Variants in PGM3 observed in about 807,000 individuals in gnomAD.
The protein encoded by PGM3 is phosphoglucomutase 3, also known as phosphoacetylglucosamine mutase.
In PGM3, 40 loss-of-function variants were observed where a neutral mutation model predicts 66.2. The ratio of observed to expected loss-of-function variants is 0.60; its 90% CI spans 0.47 to 0.79. PGM3 has a LOEUF of 0.79. PGM3 is among the 30% of genes least tolerant of loss of function. The pLI, the probability that PGM3 is intolerant of heterozygous loss-of-function variation, is 0.00. For missense variants in PGM3, 537 were observed against 643.4 expected (o/e 0.83, Z 1.79); for synonymous variants, 191 against 224.2 (o/e 0.85, Z 1.32).
chr6:83,183,481 A>T (rs1175166650), intron 4 of PGM3, among the ~76,000 whole-genome samples: 41 of 152,224 alleles, frequency 2.7e-4, no homozygotes, highest in Non-Finnish European at 1.5e-4. Context: ...GCCCATGCTG[A>T]TCTAAGATGC....
chr6:83,169,138 CA>C lies in PGM3; in HGVS notation c.*95del. 1 of 1,546,056 alleles carries C rather than the reference CA, an allele frequency of 6.5e-7. No individual in the cohort carries two copies. The highest frequency in any genetic ancestry group is 2.4e-5 in the East Asian group (1 of 41,858). ...ACAATCCAGTAGGCTGCATTGTAAA[CA>C]TTATGATTATAAATCTCTTAGTACT... On this transcript the variant is annotated 3_prime_UTR_variant, in exon 13 of 13. Coordinates refer to ENST00000513973, the MANE Select transcript of PGM3 (RefSeq NM_015599.3).
At chr6:83,153,750 A>T in the PGM3 span, 1 of 1,171,512 alleles carries the variant, frequency 8.5e-7, no homozygotes, top group Non-Finnish European at 1.2e-6. Context: ...TTGTTTAAAA[A>T]AATTCATATA....
downstream of PGM3, among the ~76,000 whole-genome samples, chr6:83,163,975 A>G (rs1375622171): frequency 1.3e-5 from 2 of 151,746 alleles, no homozygotes; most frequent in African/African-American, 2.4e-5. Flanking sequence ...CCTACCAGCA[A>G]TGAAACTGGT....
the PGM3 span, chr6:83,152,178 C>T: frequency 6.6e-6 from 5 of 754,496 alleles, no homozygotes; most frequent in East Asian, 3.0e-5. Flanking sequence ...TATATATATA[C>T]ATATACATAT....
chr6:83,183,224 TG>T (rs879421046), intron 4 of PGM3, among the ~76,000 whole-genome samples: 2 of 152,228 alleles, frequency 1.3e-5, no homozygotes, highest in Non-Finnish European at 2.9e-5. Context: ...AATTGAGTTC[TG>T]TTTCCAGTAA....
chr6:83,157,654 T>C (rs1392172710), downstream of PGM3, among the ~76,000 whole-genome samples: 1 of 152,244 alleles, frequency 6.6e-6, no homozygotes, highest in Non-Finnish European at 1.5e-5. Flanking sequence ...TTACAATAGC[T>C]GTAGCAATAC....
chr6:83,188,483 C>T, intron 3 of PGM3, 131 bp downstream of exon 3: 1 of 683,724 alleles, frequency 1.5e-6, no homozygotes, highest in South Asian at 1.9e-5. Context: ...CTAGAAAGGC[C>T]AGGCAGGTAG....
rs1786322208 is a variant in PGM3, at chr6:83,168,190, G to C, written c.*1044C>G. On this transcript the variant is annotated 3_prime_UTR_variant, in exon 13 of 13. Coordinates refer to ENST00000513973, the MANE Select transcript of PGM3 (RefSeq NM_015599.3). The stretch of plus-strand genomic sequence containing the variant: ...TGAGCACCATTGCTGGTTCCATTTA[G>C]CTTACATGTAAATGTAATTATTTAA... The C allele has an allele frequency of 6.3e-7, 1 of 1,593,440 alleles. No individual in the cohort carries two copies. Among genetic ancestry groups the C allele is most frequent in the South Asian group, 1.1e-5 (1 of 87,358 alleles).
chr6:83,179,278 C>G (rs1252688930), intron 7 of PGM3, among the ~76,000 whole-genome samples: 1 of 149,126 alleles, frequency 6.7e-6, no homozygotes, highest in Non-Finnish European at 1.5e-5. Context: ...CGCCCCTGCA[C>G]TCCAGCCTGG....
Position 83,166,716 on chromosome 6 carries a change from A to T in PGM3, c.*2518T>A. 8.3e-7 allele frequency: 1 copy of T among 1,208,600 alleles called. No individual in the cohort carries two copies. Among genetic ancestry groups the T allele is most frequent in the Admixed American group, 4.3e-5 (1 of 23,194 alleles). 74.9% of individuals were successfully genotyped at this position (1,208,600 alleles called of 1,614,324 possible). A position where few individuals can be genotyped will look rare whatever the true frequency, so the allele number is the denominator to read the frequency against. On this transcript the variant is annotated 3_prime_UTR_variant, in exon 13 of 13. Coordinates refer to ENST00000513973, the MANE Select transcript of PGM3 (RefSeq NM_015599.3). ...TCCTTTTTCAGGATTTTACTTTAAAATAAGCAATAAGCTTGAGAGCACATA... is the reference window on the plus strand; with the variant it reads ...TCCTTTTTCAGGATTTTACTTTAAATTAAGCAATAAGCTTGAGAGCACATA...
chr6:83,162,515 C>T (rs987539219), downstream of PGM3, among the ~76,000 whole-genome samples: 7 of 152,100 alleles, frequency 4.6e-5, no homozygotes, highest in Non-Finnish European at 8.8e-5. Flanking sequence ...TGAGTACTTG[C>T]TTTGGACTCA....
In PGM3 at chr6:83,167,232, C is replaced by G. The variant is rs1785952181; in HGVS notation, c.*2002G>C. ...TGCCGTAAGTATGGCAGAGCCAGCA[C>G]ACTAACTCAATTCCTTTGACTCCAG... On this transcript the variant is annotated 3_prime_UTR_variant, in exon 13 of 13. Transcript: ENST00000513973. 4.2e-6 allele frequency: 4 copies of G among 949,960 alleles called. No individual in the cohort carries two copies. The highest frequency in any genetic ancestry group is 1.8e-5 in the African/African-American group (1 of 56,620). 58.8% of individuals were successfully genotyped at this position (949,960 alleles called of 1,614,324 possible).
chr6:83,155,818 G>A, the PGM3 span: 29 of 997,356 alleles, frequency 2.9e-5, no homozygotes, highest in African/African-American at 3.9e-4. Flanking sequence ...CTGCCCCAGA[G>A]AGGGGCATCA....
Position 83,175,976 on chromosome 6 carries a change from T to A in PGM3, c.1114A>T (p.Asn372Tyr), listed in dbSNP as rs779956145. 1.9e-6 allele frequency: 3 copies of A among 1,606,528 alleles called. No individual in the cohort carries two copies. The Admixed American group carries it at 5.0e-5, about 27-fold the overall frequency. The change falls in exon 9 of 13, where the codon AAT (asparagine) becomes TAT (tyrosine). Residue 372 changes from asparagine to tyrosine, a missense_variant. Physicochemically the swap from Asn to Tyr is moderately radical, Grantham distance 143. Transcript: ENST00000513973. The part of the protein sequence containing the change: ...EFDIGVYFEA[N>Y]GHGTALFSTA... ...AGAGAACTTACAGTGCCATGCCCAT[T>A]TGCTTCAAAATAAACTCCAATGTCA...
chr6:83,152,363 C>T, the PGM3 span: 1 of 1,487,614 alleles, frequency 6.7e-7, no homozygotes, highest in Non-Finnish European at 9.0e-7. Context: ...ACATTACTCT[C>T]TGAGGTAAAT....
Position 83,166,430 on chromosome 6 carries a change from T to C in PGM3, c.*2804A>G, listed in dbSNP as rs1785624102. The C allele has an allele frequency of 1.4e-6, 1 of 702,048 alleles. No homozygotes were observed. Among genetic ancestry groups the C allele is most frequent in the Non-Finnish European group, 2.6e-6 (1 of 384,730 alleles). 43.5% of individuals were successfully genotyped at this position (702,048 alleles called of 1,614,324 possible). On this transcript the variant is annotated 3_prime_UTR_variant, in exon 13 of 13. Coordinates refer to ENST00000513973, the MANE Select transcript of PGM3 (RefSeq NM_015599.3). ...ATTAGCAGTTCCTGGGCCAAATGCA[T>C]TGTTGATGTTGTGTGTTGTCTCTGC... is the stretch of plus-strand genomic sequence containing the variant.
chr6:83,183,184 T>C (rs1254662767), intron 4 of PGM3, among the ~76,000 whole-genome samples: 3 of 152,074 alleles, frequency 2.0e-5, no homozygotes. Context: ...CAGGTAACAA[T>C]GTAAATATAA....
Position 83,167,495 on chromosome 6 carries a change from T to C in PGM3, c.*1739A>G, listed in dbSNP as rs1241847082. On this transcript the variant is annotated 3_prime_UTR_variant, in exon 13 of 13. Transcript: ENST00000513973. ...GTTCCTTTTTTCTGTAGTAATTTTGTGACCTAGTCCTTGGTTACAGTAGTG... is the reference window on the plus strand; with the variant it reads ...GTTCCTTTTTTCTGTAGTAATTTTGCGACCTAGTCCTTGGTTACAGTAGTG... 1 of 1,003,082 alleles carries C rather than the reference T, an allele frequency of 1.0e-6. No homozygotes were observed. The highest frequency in any genetic ancestry group is 1.7e-5 in the African/African-American group (1 of 57,954). 62.1% of individuals were successfully genotyped at this position (1,003,082 alleles called of 1,614,324 possible).
rs1244506490 is a variant in PGM3 at position 83,181,926 on chromosome 6, A to G, written c.597T>C (p.Ser199=). The change falls in exon 6 of 13, where the codon TCT becomes TCC. Residue 199 remains serine (S), a synonymous_variant. Transcript: ENST00000513973. The stretch of plus-strand genomic sequence containing the variant: ...GTGATCTGTATTCATCTCCACTGCA[A>G]GAAGCCTACAAAGGAAAAAGACACA... ...KAFVELTKQA[S]CSGDEYRSLK... The G allele has an allele frequency of 9.5e-6, 15 of 1,582,980 alleles. No homozygotes were observed. The highest frequency in any genetic ancestry group is 2.0e-5 in the Admixed American group (1 of 50,282).
Sources: gnomAD v4.1 joint callset for allele counts (sites outside exome capture counted in the v4.1 genomes callset) on GRCh38, gnomAD v4.1.1 for gene constraint, MANE v1.5 for transcripts, NCBI Gene and HGNC (gene_info 2026-07-23, HGNC 2026-07-21) for gene names.